The following SLC24A3 variants were observed in gnomAD, a reference collection of about 807,000 sequenced individuals.
SLC24A3 encodes the protein sodium/potassium/calcium exchanger 3.
A neutral mutation model predicts 75.8 loss-of-function variants in SLC24A3; 28 were observed. The ratio of observed to expected loss-of-function variants is 0.37; its 90% CI spans 0.27 to 0.51. The LOEUF (loss-of-function observed/expected upper bound fraction) is 0.51. Among genes scored for constraint, SLC24A3 ranks in the 20% least tolerant of loss-of-function variants. The probability of loss-of-function intolerance (pLI) is 0.94; values close to 1 mark genes in which losing one functional copy is unlikely to be tolerated. For synonymous variants in SLC24A3, 372 were observed against 334.1 expected (o/e 1.11, Z -1.24); for missense variants, 663 against 847.8 (o/e 0.78, Z 2.71).
intron 1 of SLC24A3, among the ~76,000 whole-genome samples, chr20:19,276,088 C>T (rs973120132): frequency 4.6e-5 from 7 of 152,068 alleles, no homozygotes; most frequent in African/African-American, 7.2e-5. Flanking sequence ...GAGAGGTGAG[C>T]GAGGGGAGAG....
chr20:19,332,712 C>T lies in SLC24A3; in HGVS notation c.271+51625C>T, dbSNP rs112043059. ...GGTTTCAGAAGGGTATTTGGGGGTT[C>T]CCAGCGCTCCCTAAAATAGGAGAGG... On this transcript the variant is annotated intron_variant, in intron 2 of 16. Coordinates refer to ENST00000328041, the MANE Select transcript of SLC24A3 (RefSeq NM_020689.4). 5.6e-3 allele frequency among the ~76,000 whole-genome samples: 849 copies of T among 152,202 alleles called. 6 individuals are homozygous for T. The highest frequency in any genetic ancestry group is 0.02 in the African/African-American group (818 of 41,532).
At chr20:19,306,821 A>C (rs1466819149) in intron 2 of SLC24A3, among the ~76,000 whole-genome samples, 9 of 152,218 alleles carry the variant, frequency 5.9e-5, no homozygotes, top group Non-Finnish European at 7.3e-5. Context: ...TACCCATGCA[A>C]TAAACCTGCA....
At chr20:19,292,087 G>A (rs921083924) in intron 2 of SLC24A3, among the ~76,000 whole-genome samples, 1 of 152,206 alleles carries the variant, frequency 6.6e-6, no homozygotes, top group Non-Finnish European at 1.5e-5. Flanking sequence ...GAGGACCCAT[G>A]GGCTGTGGGA....
intron 3 of SLC24A3, among the ~76,000 whole-genome samples, chr20:19,575,608 A>C (rs1421263647): frequency 2.6e-5 from 4 of 152,224 alleles, no homozygotes; most frequent in African/African-American, 9.6e-5. Context: ...AATGCCTATC[A>C]TTCATCGTTT....
intron 2 of SLC24A3, among the ~76,000 whole-genome samples, chr20:19,492,838 C>T (rs1600251886): frequency 6.7e-6 from 1 of 150,012 alleles, no homozygotes; most frequent in African/African-American, 2.5e-5. Flanking sequence ...GGCCTGTCCT[C>T]ATCTACACAT....
chr20:19,641,133 G>A (rs554749318), intron 6 of SLC24A3, among the ~76,000 whole-genome samples: 17 of 152,294 alleles, frequency 1.1e-4, no homozygotes, highest in African/African-American at 2.9e-4. Context: ...GCTTCTGCCT[G>A]TTCTCTTGGG....
chr20:19,717,860 C>A (rs1385794138), intron 16 of SLC24A3, among the ~76,000 whole-genome samples: 6 of 152,190 alleles, frequency 3.9e-5, no homozygotes, highest in Non-Finnish European at 8.8e-5. Context: ...AGAGAAGATC[C>A]CACTTTGTCT....
At chr20:19,406,757 C>G (rs1986654466) in intron 2 of SLC24A3, among the ~76,000 whole-genome samples, 1 of 152,180 alleles carries the variant, frequency 6.6e-6, no homozygotes, top group Admixed American at 6.5e-5. Context: ...GTGGCTGGTT[C>G]AGCACCCCAA....
intron 8 of SLC24A3, among the ~76,000 whole-genome samples, chr20:19,667,591 G>A (rs2032414770): frequency 6.6e-6 from 1 of 152,204 alleles, no homozygotes; most frequent in African/African-American, 2.4e-5. Flanking sequence ...TCAGAAATGT[G>A]TGTGCAGCTG....
chr20:19,398,600 A>G (rs891260663), intron 2 of SLC24A3, among the ~76,000 whole-genome samples: 10 of 152,126 alleles, frequency 6.6e-5, no homozygotes, highest in South Asian at 4.1e-4. Context: ...AATTTTCCAC[A>G]TAGAGGGTTA....
intron 2 of SLC24A3, among the ~76,000 whole-genome samples, chr20:19,332,469 T>A (rs1989677): frequency 0.056 from 8,459 of 152,238 alleles, 626 homozygotes; most frequent in East Asian, 0.26. Flanking sequence ...ATGTCTTTAG[T>A]GAAGTCACTC....
chr20:19,469,637 T>C (rs1300515228), intron 2 of SLC24A3, among the ~76,000 whole-genome samples: 3 of 152,188 alleles, frequency 2.0e-5, no homozygotes, highest in African/African-American at 7.2e-5. Context: ...CTGTGTGACT[T>C]TGGACCTGTG....
chr20:19,398,708 T>C (rs1986498997), intron 2 of SLC24A3, among the ~76,000 whole-genome samples: 1 of 152,208 alleles, frequency 6.6e-6, no homozygotes, highest in African/African-American at 2.4e-5. Flanking sequence ...CTAGAACTTC[T>C]GTAATTTTGA....
At chr20:19,467,639 G>C (rs1023303509) in intron 2 of SLC24A3, among the ~76,000 whole-genome samples, 4 of 152,166 alleles carry the variant, frequency 2.6e-5, no homozygotes, top group African/African-American at 9.7e-5. Flanking sequence ...CTAGCACTTT[G>C]AGAGCCCGAG....
intron 9 of SLC24A3, among the ~76,000 whole-genome samples, chr20:19,675,099 T>C (rs2032508665): frequency 6.6e-6 from 1 of 152,134 alleles, no homozygotes; most frequent in Non-Finnish European, 1.5e-5. Context: ...TCCCATGCTG[T>C]AAGTTAAATG....
chr20:19,354,445 G>A (rs1985636044), intron 2 of SLC24A3, among the ~76,000 whole-genome samples: 1 of 152,020 alleles, frequency 6.6e-6, no homozygotes, highest in African/African-American at 2.4e-5. Context: ...TCCAGGGATG[G>A]CAGAATTGTA....
intron 6 of SLC24A3, among the ~76,000 whole-genome samples, chr20:19,646,787 G>T (rs1264831546): frequency 6.6e-6 from 1 of 151,928 alleles, no homozygotes; most frequent in Non-Finnish European, 1.5e-5. Flanking sequence ...AGTGGTGCCT[G>T]CTTTTGAGTC....
At chr20:19,258,366 G>A (rs2122190317) in intron 1 of SLC24A3, among the ~76,000 whole-genome samples, 1 of 152,308 alleles carries the variant, frequency 6.6e-6, no homozygotes, top group East Asian at 1.9e-4. Flanking sequence ...TTTGGGTACT[G>A]GGCATCTTTT....
chr20:19,298,831 A>T (rs1030157568), intron 2 of SLC24A3, among the ~76,000 whole-genome samples: 2 of 152,230 alleles, frequency 1.3e-5, no homozygotes, highest in East Asian at 3.8e-4. Context: ...AATGTAGAAC[A>T]CATACCTCAG....
Sources: gnomAD v4.1 joint callset for allele counts (sites outside exome capture counted in the v4.1 genomes callset) on GRCh38, gnomAD v4.1.1 for gene constraint, MANE v1.5 for transcripts, NCBI Gene and HGNC (gene_info 2026-07-23, HGNC 2026-07-21) for gene names.